Variants in MCMDC2 observed in about 807,000 individuals in gnomAD.
The protein encoded by MCMDC2 is minichromosome maintenance domain containing 2.
Under a neutral mutation model 75.8 loss-of-function variants are expected in MCMDC2, and 54 were observed. The observed-to-expected ratio is 0.71, with a 90% CI of 0.57 to 0.89. The LOEUF (loss-of-function observed/expected upper bound fraction) is 0.89. Among genes scored for constraint, MCMDC2 ranks in the 40% least tolerant of loss-of-function variants. The pLI is 0.00. For synonymous variants in MCMDC2, 249 were observed against 274.6 expected (o/e 0.91, Z 0.92); for missense variants, 656 against 780.4 (o/e 0.84, Z 1.90).
At chr8:66,905,674 CAA>C (rs1324558437) in intron 14 of MCMDC2, among the ~76,000 whole-genome samples, 3 of 152,110 alleles carry the variant, frequency 2.0e-5, no homozygotes, top group African/African-American at 7.2e-5. Context: ...AGGTATCAAA[CAA>C]TCCCCCACAG....
chr8:66,915,444 T>A (rs1813274302), intron 14 of MCMDC2, among the ~76,000 whole-genome samples: 1 of 147,576 alleles, frequency 6.8e-6, no homozygotes, highest in Non-Finnish European at 1.5e-5. Context: ...AAAGCCAGAC[T>A]CCGTCTCAAA....
chr8:66,911,816 CTG>C (rs1813133750), intron 14 of MCMDC2, among the ~76,000 whole-genome samples: 1 of 150,832 alleles, frequency 6.6e-6, no homozygotes, highest in Admixed American at 6.6e-5. Flanking sequence ...GGGCGAGACT[CTG>C]TCTCAAGAAA....
intron 12 of MCMDC2, 115 bp downstream of exon 12, chr8:66,897,074 G>A (rs1013160089): frequency 9.8e-7 from 1 of 1,018,630 alleles, no homozygotes. Context: ...TTCCATCTTG[G>A]TTCCAGCTTT....
intron 12 of MCMDC2, 96 bp downstream of exon 12, chr8:66,897,055 AT>A (rs1288434919): frequency 2.7e-6 from 3 of 1,124,128 alleles, no homozygotes; most frequent in Non-Finnish European, 3.8e-6. Flanking sequence ...TTTATTTAGG[AT>A]TCTTTTATTC....
At chr8:66,896,717 T>A (rs1585885679) in intron 11 of MCMDC2, 63 bp from the exon 12 acceptor site, 1 of 1,204,846 alleles carries the variant, frequency 8.3e-7, no homozygotes, top group East Asian at 2.7e-5. Flanking sequence ...TGTAATTAAT[T>A]ATTTCCAAAT....
At position 66,918,997 on chromosome 8, in the gene MCMDC2, A is replaced by T. The variant is rs1813422254; in HGVS notation, c.1880-6A>T. ...TCATTTACACTCTATTATCTTCTTC[A>T]TTTAGGGGCCACTGTATTTTGTGTT... On this transcript the variant is annotated splice_region_variant and splice_polypyrimidine_tract_variant and intron_variant, in intron 14 of 14. Transcript: ENST00000422365. 2 of 1,501,856 alleles carry T rather than the reference A, an allele frequency of 1.3e-6. No individual in the cohort carries two copies. The highest frequency in any genetic ancestry group is 2.8e-5 in the African/African-American group (2 of 71,008). The allele number at this position is 1,501,856 out of a possible 1,614,324, so 93.0% of individuals were successfully genotyped here. A position where few individuals can be genotyped will look rare whatever the true frequency, so the allele number is the denominator to read the frequency against.
At chr8:66,912,870 C>T (rs993192810) in intron 14 of MCMDC2, among the ~76,000 whole-genome samples, 4 of 151,804 alleles carry the variant, frequency 2.6e-5, no homozygotes, top group South Asian at 2.1e-4. Flanking sequence ...CACCATGGCA[C>T]GTGTATACCT....
chr8:66,888,145 A>G (rs941272232), intron 9 of MCMDC2, among the ~76,000 whole-genome samples: 1 of 152,216 alleles, frequency 6.6e-6, no homozygotes, highest in African/African-American at 2.4e-5. Flanking sequence ...CAGTGGCACA[A>G]TCATGACTCA....
intron 14 of MCMDC2, among the ~76,000 whole-genome samples, chr8:66,906,772 A>T (rs929623888): frequency 2.7e-5 from 4 of 150,668 alleles, no homozygotes; most frequent in African/African-American, 4.9e-5. Flanking sequence ...ATTATTATTT[A>T]TTATTATTAT....
intron 10 of MCMDC2, among the ~76,000 whole-genome samples, chr8:66,895,638 A>G (rs1460525330): frequency 2.0e-5 from 3 of 151,770 alleles, no homozygotes; most frequent in African/African-American, 4.8e-5. Context: ...GGCTCAAGCA[A>G]TCCCCCCGTG....
chr8:66,915,467 TTATATATTTATA>T (rs984195785), intron 14 of MCMDC2, among the ~76,000 whole-genome samples: 5 of 145,858 alleles, frequency 3.4e-5, no homozygotes, highest in East Asian at 1.9e-4. Flanking sequence ...AAAAAAAGTT[TTATATATTTATA>T]TATATATTTA....
intron 9 of MCMDC2, 168 bp downstream of exon 9, chr8:66,884,162 T>A (rs1286276991): frequency 1.7e-6 from 1 of 588,450 alleles, no homozygotes; most frequent in African/African-American, 1.9e-5. Context: ...GATAAATTGA[T>A]AAGTGATAAG....
rs769616115 is a variant in MCMDC2, at chr8:66,878,608, T to C, written c.516T>C (p.Ala172=). ...FQYIRVHVPG[A]TESATIRNDF... is the part of the protein sequence containing the mutation. ...ATATAAGAGTGCATGTGCCTGGTGC[T>C]ACAGAATCTGCAACGATAAGAAATG... Residue 172 remains alanine (A), a synonymous_variant, in exon 6 of 15, where the codon GCT becomes GCC. Transcript: ENST00000422365. The C allele has an allele frequency of 3.4e-5, 54 of 1,575,188 alleles. No individual in the cohort carries two copies. The highest frequency in any genetic ancestry group is 4.5e-5 in the Non-Finnish European group (52 of 1,166,566).
intron 13 of MCMDC2, among the ~76,000 whole-genome samples, chr8:66,902,741 T>TATATATATATAC (rs1290006413): frequency 3.8e-5 from 5 of 133,108 alleles, no homozygotes; most frequent in African/African-American, 1.1e-4. Context: ...TATATATATA[T>TATATATATATAC]ACATATATCT....
chr8:66,893,376 G>A (rs1812201632), intron 10 of MCMDC2, among the ~76,000 whole-genome samples: 1 of 152,146 alleles, frequency 6.6e-6, no homozygotes, highest in Non-Finnish European at 1.5e-5. Context: ...AAATGAGGGT[G>A]TATTAGTCTG....
At chr8:66,901,965 C>T (rs773839501) in intron 13 of MCMDC2, among the ~76,000 whole-genome samples, 5 of 151,840 alleles carry the variant, frequency 3.3e-5, no homozygotes, top group Non-Finnish European at 7.4e-5. Flanking sequence ...TGGTCAGGCG[C>T]GGTGGCTCAT....
chr8:66,890,841 GAA>G, intron 9 of MCMDC2, 22 bp from the exon 10 acceptor site: 4 of 1,576,420 alleles, frequency 2.5e-6, no homozygotes, highest in Non-Finnish European at 2.6e-6. Flanking sequence ...TAATAGTAAT[GAA>G]AAGTTTATTT....
chr8:66,890,840 T>G (rs1812068890), intron 9 of MCMDC2, 25 bp from the exon 10 acceptor site: 1 of 1,572,962 alleles, frequency 6.4e-7, no homozygotes, highest in African/African-American at 1.4e-5. Context: ...ATAATAGTAA[T>G]GAAAAGTTTA....
intron 13 of MCMDC2, chr8:66,901,692 G>C: frequency 4.2e-6 from 4 of 961,626 alleles, no homozygotes; most frequent in Non-Finnish European, 5.0e-6. Flanking sequence ...AGCACTTTGG[G>C]AGTCCGAGAG....
Sources: gnomAD v4.1 joint callset for allele counts (sites outside exome capture counted in the v4.1 genomes callset) on GRCh38, gnomAD v4.1.1 for gene constraint, MANE v1.5 for transcripts, NCBI Gene and HGNC (gene_info 2026-07-23, HGNC 2026-07-21) for gene names.